Variants in ZNF350 observed in about 807,000 individuals in gnomAD.
ZNF350 encodes KRAB zinc finger protein ZFQR.
A neutral mutation model predicts 13.1 loss-of-function variants in ZNF350; 5 were observed. That is an observed-to-expected ratio of 0.38 (90% CI 0.20 to 0.80). The LOEUF (loss-of-function observed/expected upper bound fraction) is 0.80, where lower values mean the gene tolerates loss of function less well. ZNF350 is among the 30% of genes least tolerant of loss of function. ZNF350 has a pLI of 0.43. For missense variants in ZNF350, 534 were observed against 644.2 expected (o/e 0.83, Z 1.85); for synonymous variants, 199 against 224.2 (o/e 0.89, Z 1.00).
In ZNF350 at chr19:51,965,691, T is replaced by G; in HGVS notation, c.762A>C (p.Arg254=). ...CATAAGGTTTTTCTCCTGTATGAGTTCGCTGATGTTCAGTAAGCATGAACT... is the reference window on the plus strand; with the variant it reads ...CATAAGGTTTTTCTCCTGTATGAGTGCGCTGATGTTCAGTAAGCATGAACT... ...SRKFMLTEHQ[R]THTGEKPYEC... Residue 254 remains arginine (R), a synonymous_variant, in exon 5 of 5, where the codon CGA becomes CGC. Coordinates refer to ENST00000243644, the MANE Select transcript of ZNF350 (RefSeq NM_021632.4). 6.2e-7 allele frequency: 1 copy of G among 1,614,202 alleles called. No individual in the cohort carries two copies. Among genetic ancestry groups the G allele is most frequent in the Non-Finnish European group, 8.5e-7 (1 of 1,180,036 alleles).
At chr19:51,983,870 G>A (rs2086112290) in intron 1 of ZNF350, among the ~76,000 whole-genome samples, 1 of 152,176 alleles carries the variant, frequency 6.6e-6, no homozygotes, top group Admixed American at 6.5e-5. Flanking sequence ...TTCTCTCTGT[G>A]TCTGATTTCT....
At chr19:51,970,058 A>G (rs928137836) in intron 2 of ZNF350, among the ~76,000 whole-genome samples, 3 of 117,344 alleles carry the variant, frequency 2.6e-5, no homozygotes, top group Admixed American at 2.4e-4. Context: ...ACGCCTGGCT[A>G]ATTTTTTTTT....
chr19:51,967,096 G>A (rs1363869966), intron 4 of ZNF350, among the ~76,000 whole-genome samples: 1 of 152,174 alleles, frequency 6.6e-6, no homozygotes, highest in Non-Finnish European at 1.5e-5. Context: ...AAAGCAGTTA[G>A]CATAAAACAA....
At chr19:51,968,055 C>T (rs1599929387) in intron 4 of ZNF350, among the ~76,000 whole-genome samples, 1 of 152,086 alleles carries the variant, frequency 6.6e-6, no homozygotes, top group Non-Finnish European at 1.5e-5. Flanking sequence ...AAATGGAGAA[C>T]GGGACCTTTG....
At chr19:51,979,461 A>T (rs1049582695) in intron 1 of ZNF350, among the ~76,000 whole-genome samples, 1 of 152,090 alleles carries the variant, frequency 6.6e-6, no homozygotes, top group African/African-American at 2.4e-5. Flanking sequence ...ATACCACTCC[A>T]CTGGAAGGAC....
chr19:51,981,076 A>G (rs2122953381), intron 1 of ZNF350: 1 of 152,356 alleles, frequency 6.6e-6, no homozygotes, highest in South Asian at 2.1e-4. Flanking sequence ...GCTGGAGGCT[A>G]TATGATCAAA....
intron 4 of ZNF350, 156 bp downstream of exon 4, chr19:51,968,422 C>T (rs752112499): frequency 6.1e-5 from 40 of 653,012 alleles, no homozygotes; most frequent in Non-Finnish European, 1.0e-4. Context: ...TTTTTTTTAA[C>T]TCTAAATTCC....
chr19:51,972,712 T>C (rs1236749393), intron 2 of ZNF350, among the ~76,000 whole-genome samples: 1 of 142,976 alleles, frequency 7.0e-6, no homozygotes, highest in Admixed American at 6.9e-5. Flanking sequence ...AATACATATA[T>C]AGACATAGAT....
At chr19:51,979,952 C>G (rs941607256) in intron 1 of ZNF350, among the ~76,000 whole-genome samples, 1 of 152,138 alleles carries the variant, frequency 6.6e-6, no homozygotes, top group African/African-American at 2.4e-5. Context: ...AGGAAAGGAC[C>G]AATTCAAGAA....
intron 1 of ZNF350, among the ~76,000 whole-genome samples, chr19:51,984,902 G>A (rs1431381669): frequency 6.6e-6 from 1 of 152,072 alleles, no homozygotes; most frequent in East Asian, 1.9e-4. Flanking sequence ...ATGAGCAAAA[G>A]AAGGCTGACA....
intron 1 of ZNF350, among the ~76,000 whole-genome samples, chr19:51,983,874 G>T (rs58116420): frequency 2.0e-5 from 3 of 152,062 alleles, no homozygotes; most frequent in Non-Finnish European, 4.4e-5. Flanking sequence ...CTCTGTGTCT[G>T]ATTTCTTTTC....
chr19:51,969,242 G>GT (rs371882519), intron 2 of ZNF350, 111 bp from the exon 3 acceptor site: 21,432 of 1,125,586 alleles, frequency 0.019, 1 homozygote, highest in South Asian at 0.024. Flanking sequence ...ATACCAAATA[G>GT]TTTTTTTTTT....
intron 1 of ZNF350, among the ~76,000 whole-genome samples, chr19:51,982,631 TCA>T (rs1250282774): frequency 6.6e-6 from 1 of 152,048 alleles, no homozygotes; most frequent in Non-Finnish European, 1.5e-5. Context: ...TTCAATGAAA[TCA>T]CAGTCACAAT....
intron 1 of ZNF350, among the ~76,000 whole-genome samples, chr19:51,975,650 A>G (rs1228074744): frequency 6.6e-6 from 1 of 152,266 alleles, no homozygotes; most frequent in Non-Finnish European, 1.5e-5. Context: ...AAAACAGAGC[A>G]TGGATCCCAG....
At chr19:51,979,290 C>T in intron 1 of ZNF350, among the ~76,000 whole-genome samples, 1 of 152,106 alleles carries the variant, frequency 6.6e-6, no homozygotes, top group East Asian at 1.9e-4. Flanking sequence ...TGTGCACAGG[C>T]AAAAACATAT....
In ZNF350 at chr19:51,968,465, A is replaced by G. The variant is rs927058598; in HGVS notation, c.238+113T>C. 8.9e-6 allele frequency: 8 copies of G among 903,420 alleles called. No homozygotes were observed. In the Admixed American group the frequency reaches 1.1e-4, roughly 12 times the overall value. The allele number at this position is 903,420 out of a possible 1,614,324, so 56.0% of individuals were successfully genotyped here. On this transcript the variant is annotated intron_variant, in intron 4 of 4. Coordinates refer to ENST00000243644, the MANE Select transcript of ZNF350 (RefSeq NM_021632.4). ...AAAAACTGGTCTCACACTGGGAGAC[A>G]GATGAGTAGAGGAACTGTTTACATA... is the stretch of plus-strand genomic sequence containing the variant.
chr19:51,966,582 C>A (rs1222024174), intron 4 of ZNF350, among the ~76,000 whole-genome samples: 1 of 147,546 alleles, frequency 6.8e-6, no homozygotes, highest in South Asian at 2.2e-4. Context: ...GACGGAGTCT[C>A]ACTCTGTCGC....
rs1425052731 is a variant in ZNF350, at chr19:51,968,658, T to C, written c.158A>G (p.Lys53Arg). Residue 53 changes from lysine to arginine, a missense_variant, in exon 4 of 5, where the codon AAA becomes AGA. Coordinates refer to ENST00000243644, the MANE Select transcript of ZNF350 (RefSeq NM_021632.4). Reference sequence around the variant, plus strand: ...TTCCAACTTGAAGAGTGCATCCGGTTTGCTGGCTTGATACCCTGTTCATGG... The same window carrying C: ...TTCCAACTTGAAGAGTGCATCCGGTCTGCTGGCTTGATACCCTGTTCATGG... The part of the protein sequence containing the change: ...NLVAVGYQAS[K>R]PDALFKLEQG... 1.2e-6 allele frequency: 2 copies of C among 1,614,024 alleles called. No individual in the cohort carries two copies. Among genetic ancestry groups the C allele is most frequent in the African/African-American group, 2.7e-5 (2 of 74,918 alleles).
At chr19:51,982,186 C>T (rs1398908293) in intron 1 of ZNF350, among the ~76,000 whole-genome samples, 2 of 151,886 alleles carry the variant, frequency 1.3e-5, no homozygotes, top group Non-Finnish European at 2.9e-5. Flanking sequence ...CCATAAAATG[C>T]CATTCACTGG....
Sources: allele counts gnomAD v4.1 joint callset (sites outside exome capture counted in the v4.1 genomes callset), GRCh38; gene constraint gnomAD v4.1.1; transcripts MANE v1.5; gene names NCBI Gene and HGNC (gene_info 2026-07-23, HGNC 2026-07-21).